PLCB4: variants seen among roughly 807,000 people sequenced by gnomAD.
PLCB4 encodes 1-phosphatidylinositol 4,5-bisphosphate phosphodiesterase beta-4.
PLCB4 carries 77 observed loss-of-function variants against 178.8 expected under a neutral mutation model. The observed-to-expected ratio is 0.43, with a 90% CI of 0.36 to 0.52. PLCB4 has a LOEUF of 0.52. Ranked by LOEUF, PLCB4 falls within the 20% of genes least tolerant of loss-of-function variation. The probability of loss-of-function intolerance (pLI) is 0.00; values close to 1 mark genes in which losing one functional copy is unlikely to be tolerated. For synonymous variants in PLCB4, 496 were observed against 490.8 expected, an observed-to-expected ratio of 1.01 and a Z score of -0.14; for missense variants, 1,024 against 1,453.4, an observed-to-expected ratio of 0.70 and a Z score of 4.80.
intron 35 of PLCB4, among the ~76,000 whole-genome samples, chr20:9,463,365 G>A (rs2043531715): frequency 6.6e-6 from 1 of 151,960 alleles, no homozygotes; most frequent in Admixed American, 6.6e-5. Flanking sequence ...CAATTAATGG[G>A]CAAAATAACC....
chr20:9,224,680 C>T (rs2093841493), intron 3 of PLCB4, among the ~76,000 whole-genome samples: 1 of 152,176 alleles, frequency 6.6e-6, no homozygotes, highest in Admixed American at 6.5e-5. Context: ...CTTTCCATTT[C>T]TAGGTTGATT....
At chr20:9,273,044 TG>T (rs1281151271) in intron 3 of PLCB4, among the ~76,000 whole-genome samples, 1 of 152,108 alleles carries the variant, frequency 6.6e-6, no homozygotes, top group Non-Finnish European at 1.5e-5. Flanking sequence ...CCTTCAGGAA[TG>T]GGGGCATTAT....
At chr20:9,235,330 T>A (rs1024775289) in intron 3 of PLCB4, among the ~76,000 whole-genome samples, 2 of 152,136 alleles carry the variant, frequency 1.3e-5, no homozygotes, top group African/African-American at 4.8e-5. Context: ...AATGGACAAA[T>A]ACACAATTGG....
chr20:9,389,109 C>T (rs189185503), intron 15 of PLCB4, among the ~76,000 whole-genome samples: 44 of 152,262 alleles, frequency 2.9e-4, no homozygotes, highest in African/African-American at 9.9e-4. Flanking sequence ...TGGTTTGAAG[C>T]CTTTCTTTCT....
rs144411149 is a variant in PLCB4, at chr20:9,215,947, T to C, written c.-78-1443T>C. On this transcript the variant is annotated intron_variant, in intron 2 of 39. Transcript: ENST00000378473. Reference sequence around the variant, plus strand: ...AATGACCTGAGAATTTGTTTCTATGTCTTTTCATATAGGTACAGATTTCCT... The same window carrying C: ...AATGACCTGAGAATTTGTTTCTATGCCTTTTCATATAGGTACAGATTTCCT... Among the ~76,000 whole-genome samples the C allele has an allele frequency of 7.8e-3, 1,188 of 152,324 alleles. 18 individuals carry two copies. The highest frequency in any genetic ancestry group is 0.027 in the African/African-American group (1,141 of 41,574).
rs2040618782 is a variant in PLCB4, at chr20:9,421,359, T to C, written c.2217T>C (p.Tyr739=). 3 of 1,613,712 alleles carry C rather than the reference T, an allele frequency of 1.9e-6. No individual in the cohort carries two copies. The East Asian group carries it at 6.7e-5, about 36-fold the overall frequency. ...KIGTYVEVDM[Y]GLPTDTIRKE... ...GCACCTACGTAGAGGTGGATATGTA[T>C]GGGTTGCCCACTGACACCATACGTA... The change falls in exon 27 of 40, where the codon TAT becomes TAC. Residue 739 remains tyrosine, a synonymous_variant. Transcript: ENST00000378473.
intron 29 of PLCB4, among the ~76,000 whole-genome samples, chr20:9,436,628 A>G (rs1691888054): frequency 1.3e-5 from 2 of 152,212 alleles, no homozygotes; most frequent in African/African-American, 4.8e-5. Flanking sequence ...CATTGAAATT[A>G]CTGGCGTGAG....
At position 9,406,558 on chromosome 20, in the gene PLCB4, C is replaced by T. The variant is rs141659446; in HGVS notation, c.1647+1210C>T. 7.1e-4 allele frequency among the ~76,000 whole-genome samples: 107 copies of T among 151,448 alleles called. 1 individual carries two copies. The East Asian group carries it at 0.019, about 27-fold the overall frequency. ...GGCTGGAGTGCAGTGGCGTGATCTCCGCTCACTGAAAGCTCTGCCCCCCGG... is the reference window on the plus strand; with the variant it reads ...GGCTGGAGTGCAGTGGCGTGATCTCTGCTCACTGAAAGCTCTGCCCCCCGG... On this transcript the variant is annotated intron_variant, in intron 21 of 39. Coordinates refer to ENST00000378473, the MANE Select transcript of PLCB4 (RefSeq NM_001377142.1).
chr20:9,143,412 A>C (rs939335581), intron 2 of PLCB4, among the ~76,000 whole-genome samples: 1 of 152,294 alleles, frequency 6.6e-6, no homozygotes, highest in Admixed American at 6.5e-5. Context: ...AGCTGTCAAT[A>C]ATTTCTATCT....
chr20:9,259,907 T>C (rs1255086715), intron 3 of PLCB4, among the ~76,000 whole-genome samples: 1 of 152,148 alleles, frequency 6.6e-6, no homozygotes, highest in African/African-American at 2.4e-5. Context: ...TTATTAATAT[T>C]AATTTTACCA....
At chr20:9,467,392 C>T (rs1055176480) in intron 35 of PLCB4, among the ~76,000 whole-genome samples, 6 of 151,992 alleles carry the variant, frequency 3.9e-5, no homozygotes, top group African/African-American at 9.7e-5. Flanking sequence ...CAATCCTGCA[C>T]GTTGTGCACA....
intron 2 of PLCB4, among the ~76,000 whole-genome samples, chr20:9,103,567 A>G (rs1022165647): frequency 6.6e-6 from 1 of 152,194 alleles, no homozygotes; most frequent in African/African-American, 2.4e-5. Flanking sequence ...TCAGAGAGTG[A>G]GAATAATAAA....
At chr20:9,219,335 G>T (rs1001886385) in intron 3 of PLCB4, among the ~76,000 whole-genome samples, 1 of 152,158 alleles carries the variant, frequency 6.6e-6, no homozygotes, top group Non-Finnish European at 1.5e-5. Flanking sequence ...CAGGCATGGT[G>T]GTGGGCGCCT....
At chr20:9,175,728 C>T (rs1005036229) in intron 2 of PLCB4, among the ~76,000 whole-genome samples, 14 of 152,150 alleles carry the variant, frequency 9.2e-5, no homozygotes, top group African/African-American at 3.4e-4. Context: ...CCTCATCTGC[C>T]TCCTGCAGAG....
chr20:9,215,956 A>G (rs1181976587), intron 2 of PLCB4, among the ~76,000 whole-genome samples: 2 of 152,212 alleles, frequency 1.3e-5, no homozygotes, highest in Admixed American at 6.5e-5. Flanking sequence ...GTCTTTTCAT[A>G]TAGGTACAGA....
intron 3 of PLCB4, among the ~76,000 whole-genome samples, chr20:9,240,803 A>G (rs2147410753): frequency 6.6e-6 from 1 of 151,446 alleles, no homozygotes; most frequent in East Asian, 1.9e-4. Context: ...GGTTGGGAGG[A>G]TGAGAGGGAA....
intron 3 of PLCB4, among the ~76,000 whole-genome samples, chr20:9,298,506 C>T (rs2094665956): frequency 6.6e-6 from 1 of 151,990 alleles, no homozygotes; most frequent in African/African-American, 2.4e-5. Context: ...ATACTCCAGG[C>T]AACTAAGCAT....
intron 10 of PLCB4, 128 bp from the exon 11 acceptor site, chr20:9,372,175 G>C (rs1053687501): frequency 1.2e-5 from 7 of 598,582 alleles, no homozygotes; most frequent in Non-Finnish European, 2.1e-5. Context: ...CCTGGCTTCT[G>C]TCAGCAGGAA....
At chr20:9,207,601 G>T (rs1025014418) in intron 2 of PLCB4, among the ~76,000 whole-genome samples, 1 of 152,218 alleles carries the variant, frequency 6.6e-6, no homozygotes, top group Non-Finnish European at 1.5e-5. Flanking sequence ...TGCTGCCATT[G>T]CTATGGGGGG....
Sources: gnomAD v4.1 joint callset for allele counts (sites outside exome capture counted in the v4.1 genomes callset) on GRCh38, gnomAD v4.1.1 for gene constraint, MANE v1.5 for transcripts, NCBI Gene and HGNC (gene_info 2026-07-23, HGNC 2026-07-21) for gene names.